The following TUBA1C variants were observed in gnomAD, a reference collection of about 807,000 sequenced individuals.
The protein encoded by TUBA1C is tubulin alpha 1c, also known as tubulin alpha-1C chain.
Under a neutral mutation model 34.9 loss-of-function variants are expected in TUBA1C, and 16 were observed. The observed-to-expected ratio is 0.46, with a 90% CI of 0.31 to 0.70. TUBA1C has a LOEUF of 0.70. TUBA1C is among the 30% of genes least tolerant of loss of function. The pLI is 0.05. For synonymous variants in TUBA1C, 177 were observed against 215.9 expected (o/e 0.82, Z 1.58); for missense variants, 329 against 587.3 (o/e 0.56, Z 4.55).
chr12:49,234,714 C>T (rs998919092), intron 1 of TUBA1C, among the ~76,000 whole-genome samples: 2 of 152,252 alleles, frequency 1.3e-5, no homozygotes, highest in Non-Finnish European at 2.9e-5. Context: ...TAGAAGCGGC[C>T]TTTCTTCACA....
chr12:49,241,014 G>A (rs1942609787), intron 1 of TUBA1C, among the ~76,000 whole-genome samples: 1 of 151,942 alleles, frequency 6.6e-6, no homozygotes, highest in South Asian at 2.1e-4. Flanking sequence ...CGATTCTCCC[G>A]CCTCAGCCTC....
At chr12:49,240,715 G>A (rs139199932) in intron 1 of TUBA1C, among the ~76,000 whole-genome samples, 2 of 152,286 alleles carry the variant, frequency 1.3e-5, no homozygotes, top group East Asian at 3.9e-4. Context: ...AGCCTTCCGA[G>A]TAGCTGGCAC....
chr12:49,255,415 T>A (rs909882779), intron 1 of TUBA1C, among the ~76,000 whole-genome samples: 6 of 147,424 alleles, frequency 4.1e-5, no homozygotes, highest in African/African-American at 1.5e-4. Flanking sequence ...AATATATATA[T>A]ATATATATAT....
At chr12:49,264,951 G>A (rs979072483), upstream of TUBA1C, 44 of 465,172 alleles carry the variant, frequency 9.5e-5, no homozygotes, top group Middle Eastern at 1.8e-3. Flanking sequence ...CCCACTCCGC[G>A]GGTGCGGCCG....
At position 49,269,952 on chromosome 12, in the gene TUBA1C, C is replaced by T. The variant is rs201347417; in HGVS notation, c.351C>T (p.Leu117=). The change falls in exon 3 of 4, where the codon CTC becomes CTT. Residue 117 remains leucine, a synonymous_variant. Coordinates refer to ENST00000301072, the MANE Select transcript of TUBA1C (RefSeq NM_032704.5). ...HYTIGKEIID[L]VLDRIRKLAD... is the part of the protein sequence containing the mutation. ...CCATTGGCAAGGAGATCATTGACCT[C>T]GTGTTGGACCGAATTCGCAAGCTGG... is the stretch of plus-strand genomic sequence containing the variant. 8.1e-6 allele frequency: 13 copies of T among 1,614,206 alleles called. No homozygotes were observed. Among genetic ancestry groups the T allele is most frequent in the East Asian group, 4.5e-5 (2 of 44,880 alleles).
chr12:49,228,899 A>G, intron 1 of TUBA1C, among the ~76,000 whole-genome samples: 1 of 152,158 alleles, frequency 6.6e-6, no homozygotes, highest in Middle Eastern at 3.2e-3. Context: ...GCAGATAAGG[A>G]AACTAAGGCT....
chr12:49,232,120 T>C (rs1235615460), intron 1 of TUBA1C, among the ~76,000 whole-genome samples: 2 of 152,162 alleles, frequency 1.3e-5, no homozygotes, highest in East Asian at 3.8e-4. Flanking sequence ...AACCTGCAGA[T>C]AGTCCCTTGT....
intron 1 of TUBA1C, among the ~76,000 whole-genome samples, chr12:49,248,153 T>C (rs1331792622): frequency 2.0e-5 from 3 of 151,196 alleles, no homozygotes; most frequent in Non-Finnish European, 4.4e-5. Flanking sequence ...CACACGCCTG[T>C]AGTCCCAGCT....
At chr12:49,269,170 C>T (rs1201915311) in intron 1 of TUBA1C, among the ~76,000 whole-genome samples, 1 of 152,106 alleles carries the variant, frequency 6.6e-6, no homozygotes, top group East Asian at 1.9e-4. Context: ...AGTGATTCTC[C>T]TCCCTCAGCC....
In TUBA1C at chr12:49,269,465, C is replaced by T. The variant is rs1256938181; in HGVS notation, c.4C>T (p.Arg2Cys). Residue 2 changes from arginine (R) to cysteine (C), a missense_variant and splice_region_variant, in exon 2 of 4, where the codon CGT (arginine) becomes TGT (cysteine). Physicochemically the swap from Arg to Cys is radical, Grantham distance 180. This residue lies in a region of TUBA1C where 152 missense variants were observed against 240.3 expected (regional missense o/e 0.63). Coordinates refer to ENST00000301072, the MANE Select transcript of TUBA1C (RefSeq NM_032704.5). The stretch of plus-strand genomic sequence containing the variant: ...ACATTTTCCTTTCTTCCTCCCACAG[C>T]GTGAGTGCATCTCCATCCACGTTGG... M[R>C]ECISIHVGQA... The T allele has an allele frequency of 5.0e-6, 8 of 1,614,202 alleles. No individual in the cohort carries two copies. The East Asian group carries it at 6.7e-5, about 13-fold the overall frequency.
intron 1 of TUBA1C, among the ~76,000 whole-genome samples, chr12:49,265,610 G>A (rs1198757469): frequency 2.6e-5 from 4 of 152,218 alleles, no homozygotes; most frequent in African/African-American, 9.6e-5. Flanking sequence ...CGACGGTGCA[G>A]CACTTCCTGG....
At chr12:49,234,519 G>A (rs1592272174) in intron 1 of TUBA1C, among the ~76,000 whole-genome samples, 1 of 152,210 alleles carries the variant, frequency 6.6e-6, no homozygotes, top group South Asian at 2.1e-4. Flanking sequence ...GACGTGCAGC[G>A]CCAGGGCCTG....
chr12:49,258,417 T>C (rs1942808139), intron 1 of TUBA1C, among the ~76,000 whole-genome samples: 1 of 151,776 alleles, frequency 6.6e-6, no homozygotes, highest in Non-Finnish European at 1.5e-5. Context: ...TTATAAAAAT[T>C]ATTTATGTTT....
In TUBA1C at chr12:49,273,211, A is replaced by C. The variant is rs1943018898; in HGVS notation, c.1334A>C (p.Glu445Ala). Residue 445 changes from glutamate (E) to alanine (A), a missense_variant, in exon 4 of 4, where the codon GAG becomes GCG. Glu to Ala is a moderately radical substitution (Grantham distance 107). This residue lies in a region of TUBA1C where 34 missense variants were observed against 31.8 expected (regional missense o/e 1.07). Transcript: ENST00000301072. ...VGADSADGED[E>A]GEEY ...GCAGATAGTGCTGACGGAGAGGATGAGGGTGAAGAGTATTAACCTGTGTGC... is the reference window on the plus strand; with the variant it reads ...GCAGATAGTGCTGACGGAGAGGATGCGGGTGAAGAGTATTAACCTGTGTGC... 1 of 1,614,204 alleles carries C rather than the reference A, an allele frequency of 6.2e-7. No homozygotes were observed. Among genetic ancestry groups the C allele is most frequent in the East Asian group, 2.2e-5 (1 of 44,892 alleles).
chr12:49,249,239 C>T (rs1942707780), intron 1 of TUBA1C, among the ~76,000 whole-genome samples: 1 of 151,808 alleles, frequency 6.6e-6, no homozygotes, highest in Non-Finnish European at 1.5e-5. Context: ...ACCAGCCTGA[C>T]CAACATAGAC....
intron 1 of TUBA1C, among the ~76,000 whole-genome samples, chr12:49,249,068 T>C (rs1055336774): frequency 6.6e-6 from 1 of 151,840 alleles, no homozygotes; most frequent in Non-Finnish European, 1.5e-5. Flanking sequence ...TAGAAGTGCT[T>C]AGAGGAAAAC....
intron 1 of TUBA1C, among the ~76,000 whole-genome samples, chr12:49,234,791 G>A (rs1942534455): frequency 6.6e-6 from 1 of 152,178 alleles, no homozygotes; most frequent in Admixed American, 6.5e-5. Context: ...CTCCCTCTTG[G>A]GTCTTTTGGA....
At chr12:49,253,965 G>A (rs1419617183) in intron 1 of TUBA1C, among the ~76,000 whole-genome samples, 1 of 152,136 alleles carries the variant, frequency 6.6e-6, no homozygotes, top group Non-Finnish European at 1.5e-5. Flanking sequence ...GATAGGACTA[G>A]TATTAATAAA....
At chr12:49,248,760 C>T (rs1325981474) in intron 1 of TUBA1C, among the ~76,000 whole-genome samples, 4 of 148,202 alleles carry the variant, frequency 2.7e-5, no homozygotes, top group East Asian at 2.0e-4. Flanking sequence ...CCCAGCTACT[C>T]GGGAGGCTGA....
Sources: allele counts gnomAD v4.1 joint callset (sites outside exome capture counted in the v4.1 genomes callset), GRCh38; gene constraint gnomAD v4.1.1; regional missense constraint gnomAD v4.1.1; transcripts MANE v1.5; gene names NCBI Gene and HGNC (gene_info 2026-07-23, HGNC 2026-07-21).